The following SLC38A6 variants were observed in gnomAD, a reference collection of about 807,000 sequenced individuals.
SLC38A6 encodes solute carrier family 38 member 6, also known as N system amino acid transporter NAT-1.
In SLC38A6, 73 loss-of-function variants were observed where a neutral mutation model predicts 65.0. The ratio of observed to expected loss-of-function variants is 1.12; its 90% CI spans 0.93 to 1.37. SLC38A6 has a LOEUF of 1.37. Among genes scored for constraint, SLC38A6 ranks in the 40% most tolerant of loss-of-function variants. The pLI is 0.00. For missense variants in SLC38A6, 561 were observed against 531.1 expected, an observed-to-expected ratio of 1.06 and a Z score of -0.55; for synonymous variants, 183 against 178.8, an observed-to-expected ratio of 1.02 and a Z score of -0.19.
intron 15 of SLC38A6, among the ~76,000 whole-genome samples, chr14:61,074,301 C>T (rs573052515): frequency 7.2e-5 from 11 of 152,332 alleles, no homozygotes; most frequent in African/African-American, 2.6e-4. Flanking sequence ...CACCATCTAC[C>T]TTAGCTCAGG....
intron 15 of SLC38A6, among the ~76,000 whole-genome samples, chr14:61,075,540 A>T (rs1241436007): frequency 9.9e-5 from 15 of 152,180 alleles, no homozygotes; most frequent in Non-Finnish European, 1.6e-4. Flanking sequence ...CTCATTGGCA[A>T]TATATTGTCA....
chr14:61,082,569 C>T (rs112655560), intron 16 of SLC38A6, among the ~76,000 whole-genome samples: 8 of 152,294 alleles, frequency 5.3e-5, no homozygotes, highest in African/African-American at 1.7e-4. Flanking sequence ...CTCATTACCC[C>T]GTAGTAGCAT....
chr14:60,990,975 G>A (rs1594968966), intron 3 of SLC38A6, among the ~76,000 whole-genome samples: 1 of 152,092 alleles, frequency 6.6e-6, no homozygotes, highest in South Asian at 2.1e-4. Context: ...GAGCCATCGT[G>A]CCTGGCCAAA....
chr14:61,021,947 A>T (rs1446472633), intron 5 of SLC38A6, among the ~76,000 whole-genome samples: 1 of 152,144 alleles, frequency 6.6e-6, no homozygotes, highest in Non-Finnish European at 1.5e-5. Context: ...TGTCTACTCC[A>T]GTCTCTGCCA....
At position 60,981,382 on chromosome 14, in the gene SLC38A6, C is replaced by G. The variant is rs759091590; in HGVS notation, c.105C>G (p.Asn35Lys). 1 of 1,593,144 alleles carries G rather than the reference C, an allele frequency of 6.3e-7. No individual in the cohort carries two copies. Among genetic ancestry groups the G allele is most frequent in the Admixed American group, 1.8e-5 (1 of 56,702 alleles). The part of the protein sequence containing the change: ...EAEELSPLLS[N>K]ELHRQRSPGV... ...AAGAGTTGAGTCCGTTGCTAAGCAA[C>G]GTAAGTGGGCTGTGTTCGCTTCCCC... The change falls in exon 1 of 16, where the codon AAC becomes AAG. Residue 35 changes from asparagine (N) to lysine (K), a missense_variant and splice_region_variant. Transcript: ENST00000267488.
At chr14:61,074,376 G>T (rs1184479969) in intron 15 of SLC38A6, among the ~76,000 whole-genome samples, 1 of 152,222 alleles carries the variant, frequency 6.6e-6, no homozygotes, top group African/African-American at 2.4e-5. Flanking sequence ...AGCTCTGGAA[G>T]CTGGGAAGTC....
chr14:61,034,522 G>C lies in SLC38A6; in HGVS notation c.483-2537G>C, dbSNP rs116888588. ...CATTTTTCCTCCTGGCACTGCAACT[G>C]TCTGGGTCTAACATTGGGTCCCAGA... On this transcript the variant is annotated intron_variant, in intron 6 of 15. Transcript: ENST00000267488. Among the ~76,000 whole-genome samples the C allele has an allele frequency of 3.5e-3, 534 of 152,228 alleles. 1 individual carries two copies. The highest frequency in any genetic ancestry group is 6.1e-3 in the Non-Finnish European group (413 of 68,000).
chr14:61,008,030 T>G (rs1215764567), intron 3 of SLC38A6, among the ~76,000 whole-genome samples: 1 of 152,180 alleles, frequency 6.6e-6, no homozygotes, highest in Non-Finnish European at 1.5e-5. Flanking sequence ...TAACTTAATT[T>G]TATGTTCTAA....
intron 15 of SLC38A6, among the ~76,000 whole-genome samples, chr14:61,069,402 A>T (rs1163500978): frequency 9.2e-5 from 14 of 152,126 alleles, no homozygotes; most frequent in Admixed American, 9.2e-4. Context: ...CATTAATCCC[A>T]GATTCCCTTG....
chr14:61,066,363 C>T (rs1326091653), intron 15 of SLC38A6, among the ~76,000 whole-genome samples: 1 of 152,088 alleles, frequency 6.6e-6, no homozygotes, highest in Non-Finnish European at 1.5e-5. Context: ...ATCTGTTGTC[C>T]TGCTTTGCCA....
intron 3 of SLC38A6, among the ~76,000 whole-genome samples, chr14:60,989,914 G>T (rs1182158211): frequency 6.6e-6 from 1 of 152,068 alleles, no homozygotes; most frequent in East Asian, 1.9e-4. Flanking sequence ...CGCTTTCCTA[G>T]TTCTTCCTGT....
At chr14:61,007,164 G>A (rs2039194069) in intron 3 of SLC38A6, among the ~76,000 whole-genome samples, 1 of 151,852 alleles carries the variant, frequency 6.6e-6, no homozygotes, top group Non-Finnish European at 1.5e-5. Context: ...CACACTCTGA[G>A]GACTGTTGTG....
At chr14:61,020,396 C>T (rs2040282468) in intron 5 of SLC38A6, among the ~76,000 whole-genome samples, 1 of 152,078 alleles carries the variant, frequency 6.6e-6, no homozygotes, top group South Asian at 2.1e-4. Flanking sequence ...TTATTTTTTA[C>T]ATGTAACAGT....
intron 15 of SLC38A6, among the ~76,000 whole-genome samples, chr14:61,072,629 T>C (rs2043267998): frequency 6.6e-6 from 1 of 152,216 alleles, no homozygotes; most frequent in African/African-American, 2.4e-5. Context: ...GAACATTTGA[T>C]GTTTGTCTTT....
chr14:61,030,226 A>C (rs2040872035), intron 5 of SLC38A6, among the ~76,000 whole-genome samples: 1 of 151,736 alleles, frequency 6.6e-6, no homozygotes, highest in African/African-American at 2.4e-5. Flanking sequence ...ATACTTAATG[A>C]ACTTAACAAT....
intron 5 of SLC38A6, among the ~76,000 whole-genome samples, chr14:61,023,433 T>G (rs1952397): frequency 4.0e-5 from 6 of 151,624 alleles, no homozygotes; most frequent in Non-Finnish European, 5.9e-5. Flanking sequence ...TTAGCCAGGC[T>G]TGGGGTTGTG....
intron 4 of SLC38A6, among the ~76,000 whole-genome samples, chr14:61,016,506 T>C (rs998567622): frequency 2.6e-5 from 4 of 152,174 alleles, no homozygotes; most frequent in Non-Finnish European, 5.9e-5. Flanking sequence ...CCTAGAACTC[T>C]AGATCTACTG....
At chr14:60,982,155 T>C (rs2037096579) in intron 1 of SLC38A6, 4 of 462,330 alleles carry the variant, frequency 8.7e-6, no homozygotes, top group African/African-American at 6.0e-5. Context: ...GACTCAGCAA[T>C]TCTTTAGTAA....
intron 3 of SLC38A6, among the ~76,000 whole-genome samples, chr14:61,000,902 G>A (rs1454179809): frequency 6.6e-6 from 1 of 152,146 alleles, no homozygotes; most frequent in Non-Finnish European, 1.5e-5. Context: ...CCATTTCAAA[G>A]CTCACTGTGG....
Sources: allele counts gnomAD v4.1 joint callset (sites outside exome capture counted in the v4.1 genomes callset), GRCh38; gene constraint gnomAD v4.1.1; transcripts MANE v1.5; gene names NCBI Gene and HGNC (gene_info 2026-07-23, HGNC 2026-07-21).